Variants in RTEL1 observed in about 807,000 individuals in gnomAD.
RTEL1 encodes regulator of telomere length.
Under a neutral mutation model 162.2 loss-of-function variants are expected in RTEL1, and 86 were observed. The observed-to-expected ratio is 0.53, with a 90% CI of 0.45 to 0.63. RTEL1 has a LOEUF of 0.63. RTEL1 is among the 30% of genes least tolerant of loss of function. The pLI is 0.00. For missense variants in RTEL1, 1,941 were observed against 1,750.2 expected, an observed-to-expected ratio of 1.11 and a Z score of -1.95; for synonymous variants, 958 against 717.9, an observed-to-expected ratio of 1.33 and a Z score of -5.35.
chr20:63,679,113 G>T (rs916881838), intron 12 of RTEL1, among the ~76,000 whole-genome samples: 1 of 152,172 alleles, frequency 6.6e-6, no homozygotes, highest in Non-Finnish European at 1.5e-5. Flanking sequence ...TGAACGCTCC[G>T]TGGGGCTCCA....
In RTEL1 at chr20:63,693,014, T is replaced by C. The variant is rs2090793329; in HGVS notation, c.2851+11T>C. 5 of 1,612,212 alleles carry C rather than the reference T, an allele frequency of 3.1e-6. No individual in the cohort carries two copies. The highest frequency in any genetic ancestry group is 2.7e-5 in the African/African-American group (2 of 75,044). ...ACAACCTGCTCCAAGGTGCCCTGGCTTGCAGAGGCCACCCACCCTGAGGGC... is the reference window on the plus strand; with the variant it reads ...ACAACCTGCTCCAAGGTGCCCTGGCCTGCAGAGGCCACCCACCCTGAGGGC... On this transcript the variant is annotated intron_variant, in intron 29 of 34. Coordinates refer to ENST00000360203, the MANE Select transcript of RTEL1 (RefSeq NM_001283009.2).
intron 7 of RTEL1, among the ~76,000 whole-genome samples, chr20:63,666,639 G>A (rs1448491826): frequency 2.6e-5 from 4 of 151,848 alleles, no homozygotes; most frequent in South Asian, 2.1e-4. Context: ...AGGCTCAAGC[G>A]ATTTTCCCAC....
At chr20:63,679,585 G>A (rs998898634) in intron 12 of RTEL1, among the ~76,000 whole-genome samples, 5 of 152,096 alleles carry the variant, frequency 3.3e-5, no homozygotes, top group Non-Finnish European at 5.9e-5. Context: ...TCCTGAGGGC[G>A]GAGGCCTCTC....
chr20:63,688,397 C>T lies in RTEL1; in HGVS notation c.1722+11C>T, dbSNP rs996447070. The T allele has an allele frequency of 4.2e-5, 68 of 1,612,150 alleles. No homozygotes were observed. Among genetic ancestry groups the T allele is most frequent in the Admixed American group, 6.7e-5 (4 of 59,976 alleles). Reference sequence around the variant, plus strand: ...CTGGAGTTCTGGCGGGTGCGTCTCCCCTGTGTTCTGGGCGGGGTGGGTGAG... The same window carrying T: ...CTGGAGTTCTGGCGGGTGCGTCTCCTCTGTGTTCTGGGCGGGGTGGGTGAG... On this transcript the variant is annotated intron_variant, in intron 20 of 34. Transcript: ENST00000360203.
rs866955014 is a variant in RTEL1, at chr20:63,685,559, G to T, written c.1228G>T (p.Gly410Cys). ...TGTGGACCCCTCCGAGGGCAGCCCT[G>T]GTTCCCCAGCAGGGCTGGGGGCCTT... ...FSVDPSEGSP[G>C]SPAGLGALQS... is the part of the protein sequence containing the mutation. Residue 410 changes from glycine to cysteine, a missense_variant, in exon 15 of 35, where the codon GGT becomes TGT. Coordinates refer to ENST00000360203, the MANE Select transcript of RTEL1 (RefSeq NM_001283009.2). 2.5e-6 allele frequency: 4 copies of T among 1,612,060 alleles called. No homozygotes were observed. The African/African-American group carries it at 5.4e-5, about 22-fold the overall frequency.
In RTEL1 at chr20:63,689,870, G is replaced by A. The variant is rs398123050; in HGVS notation, c.2141+5G>A. ...TGTCTTCCTCTGTGACCACAGGTGC[G>A]TGCAGTCCGGTGGCAGGCGCGGCGC... On this transcript the variant is annotated splice_donor_5th_base_variant and intron_variant, in intron 24 of 34. Coordinates refer to ENST00000360203, the MANE Select transcript of RTEL1 (RefSeq NM_001283009.2). The A allele has an allele frequency of 2.5e-6, 4 of 1,604,026 alleles. No individual in the cohort carries two copies. The highest frequency in any genetic ancestry group is 3.4e-6 in the Non-Finnish European group (4 of 1,177,556).
chr20:63,684,826 C>T (rs1228358531), intron 14 of RTEL1, among the ~76,000 whole-genome samples: 2 of 151,990 alleles, frequency 1.3e-5, no homozygotes, highest in Admixed American at 6.6e-5. Flanking sequence ...ATCTTGGAGT[C>T]AGCGTGTCTA....
intron 13 of RTEL1, among the ~76,000 whole-genome samples, chr20:63,680,399 A>T (rs893766369): frequency 6.6e-6 from 1 of 152,020 alleles, no homozygotes; most frequent in Admixed American, 6.5e-5. Flanking sequence ...TTGCTGCTTC[A>T]ACCCTTAGGC....
At position 63,695,261 on chromosome 20, in the gene RTEL1, C is replaced by T. The variant is rs367759047; in HGVS notation, c.3499+40C>T. On this transcript the variant is annotated intron_variant, in intron 33 of 34. Transcript: ENST00000360203. ...TGGCTGCTCCTGGCAGCGCCCCAAC[C>T]GCACGCAGCCCTGGGAGTGAGCAGC... is the stretch of plus-strand genomic sequence containing the variant. 73 of 1,606,586 alleles carry T rather than the reference C, an allele frequency of 4.5e-5. No homozygotes were observed. The African/African-American group carries it at 6.5e-4, about 14-fold the overall frequency.
In RTEL1 at chr20:63,678,688, C is replaced by T. The variant is rs1354048808; in HGVS notation, c.1037+342C>T. Among the ~76,000 whole-genome samples the T allele has an allele frequency of 3.7e-5, 5 of 134,890 alleles. No homozygotes were observed. In the East Asian group the frequency reaches 8.8e-4, roughly 24 times the overall value. 88.5% of individuals were successfully genotyped at this position (134,890 alleles called of 152,430 possible). The stretch of plus-strand genomic sequence containing the variant: ...ACCCACGGAACGGCACACACACCCA[C>T]GGAACAGCACACACACTCCCACGGA... On this transcript the variant is annotated intron_variant, in intron 12 of 34. Transcript: ENST00000360203.
rs752833281 is a variant in RTEL1 at position 63,691,768 on chromosome 20, CCTGT to C, written c.2587_2590del (p.Ser863ArgfsTer40). The C allele has an allele frequency of 1.9e-6, 3 of 1,612,526 alleles. No homozygotes were observed. The highest frequency in any genetic ancestry group is 1.7e-6 in the Non-Finnish European group (2 of 1,179,820). ...CCCACAGCTGCTCCACCCTGTCCCTCCTGTCTGAGAAGAGGCCGGCAGAAGAACC... is the reference window on the plus strand; with the variant it reads ...CCCACAGCTGCTCCACCCTGTCCCTCCTGAGAAGAGGCCGGCAGAAGAACC... On this transcript the variant is annotated frameshift_variant, in exon 28 of 35. Coordinates refer to ENST00000360203, the MANE Select transcript of RTEL1 (RefSeq NM_001283009.2). LOFTEE classifies it high-confidence loss of function.
rs370353126 is a variant in RTEL1, at chr20:63,689,018, G to A, written c.1801-37G>A. 12 of 1,572,172 alleles carry A rather than the reference G, an allele frequency of 7.6e-6. 1 individual carries two copies. The highest frequency in any genetic ancestry group is 6.7e-5 in the South Asian group (6 of 90,204). On this transcript the variant is annotated intron_variant, in intron 21 of 34. Coordinates refer to ENST00000360203, the MANE Select transcript of RTEL1 (RefSeq NM_001283009.2). Reference sequence around the variant, plus strand: ...TCATGGGGGAGGAAGGGGCTGGGGGGGGGCTCCAGGCTCAGCCTCACCAAC... The same window carrying A: ...TCATGGGGGAGGAAGGGGCTGGGGGAGGGCTCCAGGCTCAGCCTCACCAAC...
chr20:63,688,558 C>G lies in RTEL1; in HGVS notation c.1753C>G (p.Leu585Val), dbSNP rs1347654093. 3.7e-6 allele frequency: 6 copies of G among 1,610,378 alleles called. No homozygotes were observed. The highest frequency in any genetic ancestry group is 4.2e-6 in the Non-Finnish European group (5 of 1,179,502). Residue 585 changes from leucine to valine, a missense_variant, in exon 21 of 35, where the codon CTG (leucine) becomes GTG (valine). By Grantham distance (32) the Leu-to-Val change is conservative. Transcript: ENST00000360203. ...ARDLARKMEA[L>V]KPLFVEPRSK... is the part of the protein sequence containing the mutation. ...CGACTTGGCCAGGAAGATGGAGGCG[C>G]TGAAGCCGCTGTTTGTGGAGCCCAG...
chr20:63,676,118 G>A (rs2090344452), intron 10 of RTEL1, among the ~76,000 whole-genome samples: 1 of 152,092 alleles, frequency 6.6e-6, no homozygotes, highest in South Asian at 2.1e-4. Context: ...ACCCAGGCTG[G>A]AGAGCGGTGG....
chr20:63,692,020 G>T, intron 28 of RTEL1, 183 bp downstream of exon 28: 1 of 563,026 alleles, frequency 1.8e-6, no homozygotes. Context: ...TCTGCAGGGG[G>T]CTCATGAGTC....
At chr20:63,690,697 G>A (rs965223605) in intron 26 of RTEL1, 108 bp from the exon 27 acceptor site, 11 of 1,301,190 alleles carry the variant, frequency 8.5e-6, no homozygotes, top group Middle Eastern at 2.7e-4. Flanking sequence ...ACACCCACAG[G>A]CAGGACCCCA....
chr20:63,688,238 G>A (rs1011576868), intron 19 of RTEL1, 59 bp downstream of exon 19: 2 of 1,609,742 alleles, frequency 1.2e-6, no homozygotes, highest in African/African-American at 2.7e-5. Context: ...CTGCTCCCAA[G>A]AGCTGGTAGG....
chr20:63,671,672 T>C (rs2090245563), intron 8 of RTEL1, among the ~76,000 whole-genome samples: 2 of 149,508 alleles, frequency 1.3e-5, no homozygotes, highest in African/African-American at 4.9e-5. Flanking sequence ...TTTGTATTTT[T>C]AGTAGAGACG....
At chr20:63,662,332 G>A in intron 4 of RTEL1, 1 of 890,430 alleles carries the variant, frequency 1.1e-6, no homozygotes, top group Non-Finnish European at 1.8e-6. Flanking sequence ...CCGGACCAGT[G>A]GCAGGGTGCT....
Sources: gnomAD v4.1 joint callset for allele counts (sites outside exome capture counted in the v4.1 genomes callset) on GRCh38, gnomAD v4.1.1 for gene constraint, MANE v1.5 for transcripts, NCBI Gene and HGNC (gene_info 2026-07-23, HGNC 2026-07-21) for gene names.